INTS11: variants seen among roughly 807,000 people sequenced by gnomAD.
INTS11 encodes integrator complex subunit 11, also known as CPSF3-like protein.
Under a neutral mutation model 78.6 loss-of-function variants are expected in INTS11, and 77 were observed. That is an observed-to-expected ratio of 0.98 (90% CI 0.81 to 1.18). The LOEUF (loss-of-function observed/expected upper bound fraction) is 1.18, where lower values mean the gene tolerates loss of function less well. INTS11 is among the 50% of genes most tolerant of loss of function. The probability of loss-of-function intolerance (pLI) is 0.00; values close to 1 mark genes in which losing one functional copy is unlikely to be tolerated. For synonymous variants in INTS11, 441 were observed against 326.9 expected (o/e 1.35, Z -3.77); for missense variants, 875 against 825.9 (o/e 1.06, Z -0.73).
intron 10 of INTS11, 82 bp from the exon 11 acceptor site, chr1:1,313,206 C>T (rs74045438): frequency 1.4e-6 from 2 of 1,456,694 alleles, no homozygotes; most frequent in Non-Finnish European, 9.3e-7. Flanking sequence ...CCCGCCTGAA[C>T]CCCTGGAAGC....
rs147512300 is a variant in INTS11 at position 1,320,485 on chromosome 1, T to C, written c.171A>G (p.Leu57=). 184 of 1,613,934 alleles carry C rather than the reference T, an allele frequency of 1.1e-4. No homozygotes were observed. The East Asian group carries it at 3.7e-3, about 32-fold the overall frequency. Residue 57 remains leucine, a synonymous_variant, in exon 3 of 17, where the codon CTA becomes CTG. Coordinates refer to ENST00000435064, the MANE Select transcript of INTS11 (RefSeq NM_017871.6). ...TGATCACACAGTCCAGGAAGTCTGT[T>C]AGGCGGCCGTTCTGGGTGATGTAGG... ...DFSYITQNGR[L]TDFLDCVIIS... is the part of the protein sequence containing the mutation.
chr1:1,324,479 G>A (rs1643217984), intron 1 of INTS11, 102 bp downstream of exon 1: 1 of 1,260,714 alleles, frequency 7.9e-7, no homozygotes, highest in Non-Finnish European at 1.1e-6. Context: ...CGCCCGCGGC[G>A]CGCACCTGGC....
intron 2 of INTS11, 53 bp from the exon 3 acceptor site, chr1:1,320,582 G>C: frequency 6.3e-7 from 1 of 1,587,814 alleles, no homozygotes; most frequent in Admixed American, 1.7e-5. Flanking sequence ...GGCAGCATCT[G>C]GGGCCACCCA....
intron 1 of INTS11, chr1:1,322,018 A>C: frequency 7.7e-7 from 1 of 1,302,688 alleles, no homozygotes. Context: ...GTTCTCTTCC[A>C]GGCCTGTTCC....
In INTS11 at chr1:1,323,175, G is replaced by A. The variant is rs1430453904; in HGVS notation, c.28+1406C>T. 9 of 1,550,014 alleles carry A rather than the reference G, an allele frequency of 5.8e-6. No individual in the cohort carries two copies. Among genetic ancestry groups the A allele is most frequent in the South Asian group, 4.8e-5 (4 of 84,056 alleles). ...GGCGGGGGGCACCCTCCGAGGAAGC[G>A]CTCACGCCATGGGGGAGGACATGGA... On this transcript the variant is annotated intron_variant, in intron 1 of 16. Transcript: ENST00000435064.
rs773017208 is a variant in INTS11, at chr1:1,313,562, C to A, written c.988G>T (p.Ala330Ser). The change falls in exon 10 of 17, where the codon GCT becomes TCT. Residue 330 changes from alanine (A) to serine (S), a missense_variant. Ala to Ser is a moderately conservative substitution (Grantham distance 99, BLOSUM62 1). Coordinates refer to ENST00000435064, the MANE Select transcript of INTS11 (RefSeq NM_017871.6). Reference sequence around the variant, plus strand: ...CGGAAGATCTGCAGGGACTGCCCAGCGTGCAGCATTCCTGGCGTGGCAAAC... The same window carrying A: ...CGGAAGATCTGCAGGGACTGCCCAGAGTGCAGCATTCCTGGCGTGGCAAAC... ...VVFATPGMLH[A>S]GQSLQIFRKW... The A allele has an allele frequency of 6.2e-7, 1 of 1,612,974 alleles. No homozygotes were observed. The highest frequency in any genetic ancestry group is 2.2e-5 in the East Asian group (1 of 44,882).
Position 1,314,116 on chromosome 1 carries a change from C to CGCT in INTS11, c.767+184_767+185insAGC. 3.9e-6 allele frequency: 3 copies of CGCT among 762,124 alleles called. No homozygotes were observed. In the South Asian group the frequency reaches 5.1e-5, roughly 13 times the overall value. The allele number at this position is 762,124 out of a possible 1,614,324, so 47.2% of individuals were successfully genotyped here. On this transcript the variant is annotated intron_variant, in intron 8 of 16. Coordinates refer to ENST00000435064, the MANE Select transcript of INTS11 (RefSeq NM_017871.6). The surrounding 1 kb of genome is among the most constrained non-coding windows in gnomAD (Gnocchi z 4.2). ...GAGAACCAGGAACCCCTACAAGAGC[C>CGCT]GCACACGGTGGCGCTGACGGGATGT...
intron 4 of INTS11, among the ~76,000 whole-genome samples, chr1:1,318,174 C>T (rs2100609554): frequency 6.6e-6 from 1 of 152,134 alleles, no homozygotes; most frequent in East Asian, 1.9e-4. Flanking sequence ...CTGGCCAAGG[C>T]AAATAAAAAT....
chr1:1,314,200 G>T lies in INTS11; in HGVS notation c.767+101C>A, dbSNP rs1642431311. 5.2e-6 allele frequency: 6 copies of T among 1,160,356 alleles called. No homozygotes were observed. In the Admixed American group the frequency reaches 1.0e-4, roughly 19 times the overall value. The allele number at this position is 1,160,356 out of a possible 1,614,324, so 71.9% of individuals were successfully genotyped here. A position where few individuals can be genotyped will look rare whatever the true frequency, so the allele number is the denominator to read the frequency against. On this transcript the variant is annotated intron_variant, in intron 8 of 16. Transcript: ENST00000435064. The surrounding 1 kb of genome is among the most constrained non-coding windows in gnomAD (Gnocchi z 4.2). Reference sequence around the variant, plus strand: ...GGCCCCCCAGGACAGCAGCAAGCAGGGCCAAGATGCCACCGCTACGCTGGA... The same window carrying T: ...GGCCCCCCAGGACAGCAGCAAGCAGTGCCAAGATGCCACCGCTACGCTGGA...
At chr1:1,318,351 T>C (rs1642738308) in intron 4 of INTS11, among the ~76,000 whole-genome samples, 1 of 152,198 alleles carries the variant, frequency 6.6e-6, no homozygotes, top group South Asian at 2.1e-4. Context: ...GATGTCTTTC[T>C]GGGTTTAAAA....
chr1:1,321,146 G>C (rs951572499), intron 1 of INTS11, 53 bp from the exon 2 acceptor site: 2 of 1,410,746 alleles, frequency 1.4e-6, no homozygotes, highest in Non-Finnish European at 9.9e-7. Flanking sequence ...CCCCTGTGCT[G>C]CCTCCCCAAG....
At position 1,312,115 on chromosome 1, in the gene INTS11, G is replaced by C. The variant is rs755005813; in HGVS notation, c.1640C>G (p.Pro547Arg). ...GGACTCCACAGTCACAGAGCCGTCT[G>C]GGAGGTGCTGCACACAGTGGTCCTT... is the stretch of plus-strand genomic sequence containing the variant. Reference protein sequence around the residue: ...VLKDHCVQHLPDGSVTVESVL... With the variant: ...VLKDHCVQHLRDGSVTVESVL... The change falls in exon 16 of 17, where the codon CCA (proline) becomes CGA (arginine). Residue 547 changes from proline (P) to arginine (R), a missense_variant. Physicochemically the swap from Pro to Arg is moderately radical, Grantham distance 103. Coordinates refer to ENST00000435064, the MANE Select transcript of INTS11 (RefSeq NM_017871.6). The C allele has an allele frequency of 1.3e-6, 2 of 1,575,148 alleles. No homozygotes were observed. The highest frequency in any genetic ancestry group is 4.5e-5 in the East Asian group (2 of 44,160).
intron 6 of INTS11, 43 bp from the exon 7 acceptor site, chr1:1,315,005 C>T (rs948496002): frequency 1.6e-5 from 25 of 1,597,054 alleles, no homozygotes; most frequent in African/African-American, 4.0e-5. Flanking sequence ...TGCACTGTCC[C>T]CACGGTTGCA....
rs1302534406 is a variant in INTS11, at chr1:1,313,526, C to T, written c.1024G>A (p.Gly342Arg). ...QSLQIFRKWA[G>R]NEKNMVIMPG... is the part of the protein sequence containing the mutation. ...GCCCTCACCATGTTCTTTTCGTTTC[C>T]GGCCCATTTCCGGAAGATCTGCAGG... The change falls in exon 10 of 17, where the codon GGA becomes AGA. Residue 342 changes from glycine (G) to arginine (R), a missense_variant. Gly to Arg is a moderately radical substitution (Grantham distance 125). Coordinates refer to ENST00000435064, the MANE Select transcript of INTS11 (RefSeq NM_017871.6). 5 of 1,613,022 alleles carry T rather than the reference C, an allele frequency of 3.1e-6. No homozygotes were observed. The highest frequency in any genetic ancestry group is 1.3e-5 in the African/African-American group (1 of 75,070).
At chr1:1,319,161 G>A (rs1642796831) in intron 4 of INTS11, 135 bp downstream of exon 4, 1 of 868,552 alleles carries the variant, frequency 1.2e-6, no homozygotes, top group Non-Finnish European at 2.0e-6. Flanking sequence ...TCCCCACGGT[G>A]CTGGACGCAA....
At position 1,311,630 on chromosome 1, in the gene INTS11, G is replaced by A. The variant is rs1323166747; in HGVS notation, c.*229C>T. ...TGTTCAGCTTTTACTGGAAACTGCT[G>A]TCTAGGACCACCTGCCCTAACCAGG... On this transcript the variant is annotated 3_prime_UTR_variant, in exon 17 of 17. Coordinates refer to ENST00000435064, the MANE Select transcript of INTS11 (RefSeq NM_017871.6). The A allele has an allele frequency of 8.4e-6, 6 of 710,840 alleles. No homozygotes were observed. The highest frequency in any genetic ancestry group is 1.5e-5 in the Non-Finnish European group (6 of 394,076). The allele number at this position is 710,840 out of a possible 1,614,324, so 44.0% of individuals were successfully genotyped here.
rs201437887 is a variant in INTS11, at chr1:1,312,689, A to G, written c.1306T>C (p.Tyr436His). The G allele has an allele frequency of 6.3e-7, 1 of 1,594,470 alleles. No homozygotes were observed. The highest frequency in any genetic ancestry group is 1.1e-5 in the South Asian group (1 of 89,372). ...ACCGTCTCGCCATTGGCCGGCATGT[A>G]GCAGTTGACCCCTGGACCCCGGGGG... is the stretch of plus-strand genomic sequence containing the variant. ...KIEQELRVNCYMPANGETVTL... is the reference protein window; with the variant it reads ...KIEQELRVNCHMPANGETVTL... Residue 436 changes from tyrosine (Y) to histidine (H), a missense_variant, in exon 13 of 17, where the codon TAC (tyrosine) becomes CAC (histidine). Coordinates refer to ENST00000435064, the MANE Select transcript of INTS11 (RefSeq NM_017871.6).
rs772812197 is a variant in INTS11, at chr1:1,314,993, G to A, written c.564-31C>T. ...ACACGGGGGTGGGGGTGTGAGCCAC[G>A]ATGCACTGTCCCCACGGTTGCAGGG... On this transcript the variant is annotated intron_variant, in intron 6 of 16. Transcript: ENST00000435064. The surrounding 1 kb of genome is among the most constrained non-coding windows in gnomAD (Gnocchi z 4.2). The A allele has an allele frequency of 1.3e-5, 21 of 1,607,142 alleles. No homozygotes were observed. Among genetic ancestry groups the A allele is most frequent in the South Asian group, 3.3e-5 (3 of 90,966 alleles).
chr1:1,314,632 G>T lies in INTS11; in HGVS notation c.702+192C>A. ...GCTTCGTCCGCACCTGAGGTAGGAGGGAAAAGGGGCTCCCTAGGAAAGGGT... is the reference window on the plus strand; with the variant it reads ...GCTTCGTCCGCACCTGAGGTAGGAGTGAAAAGGGGCTCCCTAGGAAAGGGT... On this transcript the variant is annotated intron_variant, in intron 7 of 16. Coordinates refer to ENST00000435064, the MANE Select transcript of INTS11 (RefSeq NM_017871.6). This position sits in a 1 kb window ranked among gnomAD's most constrained non-coding sequence, Gnocchi z 4.2. The T allele has an allele frequency of 1.4e-6, 1 of 737,628 alleles. No homozygotes were observed. The highest frequency in any genetic ancestry group is 1.8e-5 in the African/African-American group (1 of 56,422). 45.7% of individuals were successfully genotyped at this position (737,628 alleles called of 1,614,324 possible). A position where few individuals can be genotyped will look rare whatever the true frequency, so the allele number is the denominator to read the frequency against.
Sources: gnomAD v4.1 joint callset for allele counts (sites outside exome capture counted in the v4.1 genomes callset) on GRCh38, gnomAD v4.1.1 for gene constraint, Gnocchi (gnomAD v3.1) non-coding constraint, MANE v1.5 for transcripts, NCBI Gene and HGNC (gene_info 2026-07-23, HGNC 2026-07-21) for gene names.